COL4A6: variants seen among roughly 807,000 people sequenced by gnomAD.
COL4A6 encodes collagen type IV alpha 6 chain.
COL4A6 carries 59 observed loss-of-function variants against 126.7 expected under a neutral mutation model. The observed-to-expected ratio is 0.47, with a 90% CI of 0.38 to 0.58. COL4A6 has a LOEUF of 0.58. COL4A6 is among the 20% of genes least tolerant of loss of function. The pLI is 0.00. For missense variants in COL4A6, 1,285 were observed against 1,337.3 expected, an observed-to-expected ratio of 0.96 and a Z score of 0.61; for synonymous variants, 547 against 496.6, an observed-to-expected ratio of 1.10 and a Z score of -1.35.
intron 3 of COL4A6, among the ~76,000 whole-genome samples, chrX:108,286,151 G>A (rs2038000798): frequency 8.9e-6 from 1 of 112,265 alleles, no homozygotes; most frequent in South Asian, 3.7e-4. Context: ...TCCACCTCTA[G>A]CTTGGTGTCA....
intron 3 of COL4A6, among the ~76,000 whole-genome samples, chrX:108,230,417 C>T (rs1206235778): frequency 9.0e-6 from 1 of 111,631 alleles, no homozygotes; most frequent in African/African-American, 3.3e-5. Flanking sequence ...CTCCTTGTGG[C>T]CTTTTGAGAA....
chrX:108,197,647 A>T (rs1262710175), intron 13 of COL4A6, among the ~76,000 whole-genome samples: 3 of 111,419 alleles, frequency 2.7e-5, no homozygotes, highest in African/African-American at 9.8e-5. Flanking sequence ...TCCCATGAGT[A>T]CTGAAAGCTG....
intron 3 of COL4A6, among the ~76,000 whole-genome samples, chrX:108,292,199 T>C (rs1381210262): frequency 8.9e-6 from 1 of 112,300 alleles, no homozygotes; most frequent in South Asian, 3.7e-4. Context: ...ACTTGTAATA[T>C]TGCATTTACA....
At chrX:108,394,302 C>T (rs113763985) in intron 2 of COL4A6, among the ~76,000 whole-genome samples, 120 of 110,006 alleles carry the variant, frequency 1.1e-3, no homozygotes, top group African/African-American at 3.6e-3. Context: ...GGAGGGATAG[C>T]ATTAGGAGAA....
At chrX:108,382,962 A>AAATAATAATAATAATAATAAT (rs4035941) in intron 2 of COL4A6, among the ~76,000 whole-genome samples, 1 of 88,304 alleles carries the variant, frequency 1.1e-5, no homozygotes, top group Non-Finnish European at 2.2e-5. Flanking sequence ...CCCCCGCCAA[A>AAATAATAATAATAATAATAAT]AATAATAATA....
In COL4A6 at chrX:108,274,228, C is replaced by T. The variant is rs146146852; in HGVS notation, c.144+36520G>A. On this transcript the variant is annotated intron_variant, in intron 3 of 44. Transcript: ENST00000334504. Reference sequence around the variant, plus strand: ...CTACATGGGGCTACATGGGGAAGCACCAGGGTCAGTCAGGAAGCAGAAGAA... The same window carrying T: ...CTACATGGGGCTACATGGGGAAGCATCAGGGTCAGTCAGGAAGCAGAAGAA... 4.1e-3 allele frequency among the ~76,000 whole-genome samples: 458 copies of T among 111,457 alleles called. 3 individuals carry two copies. Among genetic ancestry groups the T allele is most frequent in the African/African-American group, 0.013 (411 of 30,590 alleles).
intron 3 of COL4A6, among the ~76,000 whole-genome samples, chrX:108,246,795 G>A (rs779731118): frequency 9.0e-6 from 1 of 110,581 alleles, no homozygotes. Context: ...GGACAGGAAG[G>A]GGGGTATCTG....
chrX:108,325,953 T>G (rs2039147641), intron 2 of COL4A6, among the ~76,000 whole-genome samples: 1 of 112,191 alleles, frequency 8.9e-6, no homozygotes, highest in Non-Finnish European at 1.9e-5. Flanking sequence ...TGGAAAATAC[T>G]ACAGATATCA....
intron 38 of COL4A6, 85 bp downstream of exon 38, chrX:108,165,285 G>A: frequency 1.2e-6 from 1 of 856,415 alleles, no homozygotes; most frequent in Non-Finnish European, 1.7e-6. Flanking sequence ...CCAGCAACAG[G>A]GACTTGGCTG....
At chrX:108,357,387 G>A (rs1047936560) in intron 2 of COL4A6, among the ~76,000 whole-genome samples, 64 of 111,209 alleles carry the variant, frequency 5.8e-4, no homozygotes, top group African/African-American at 2.0e-3. Flanking sequence ...GCATGAAATG[G>A]TTTGACTCCA....
chrX:108,163,091 C>T lies in COL4A6; in HGVS notation c.4070-53G>A, dbSNP rs757431724. On this transcript the variant is annotated intron_variant, in intron 40 of 44. Transcript: ENST00000334504. ...ATCAGGCTGAGGCAGAGGGAGGTGA[C>T]GGGGGCCCCAGAAGCCTTCTTTACT... The T allele has an allele frequency of 2.6e-4, 296 of 1,129,537 alleles. No homozygotes were observed. The African/African-American group carries it at 4.8e-3, about 18-fold the overall frequency. The allele number at this position is 1,129,537 out of a possible 1,213,427, so 93.1% of individuals were successfully genotyped here. A position where few individuals can be genotyped will look rare whatever the true frequency, so the allele number is the denominator to read the frequency against.
chrX:108,324,801 T>C (rs1440317151), intron 2 of COL4A6, among the ~76,000 whole-genome samples: 1 of 111,331 alleles, frequency 9.0e-6, no homozygotes, highest in Non-Finnish European at 1.9e-5. Context: ...ACCAGGAAAA[T>C]TGAGTGCCTC....
At chrX:108,284,920 C>A (rs900745723) in intron 3 of COL4A6, among the ~76,000 whole-genome samples, 5 of 112,073 alleles carry the variant, frequency 4.5e-5, no homozygotes, top group Non-Finnish European at 9.4e-5. Flanking sequence ...GTGTCCATTT[C>A]CTCTTTATAG....
Position 108,164,627 on chromosome X carries a change from C to T in COL4A6, c.4042G>A (p.Gly1348Arg), listed in dbSNP as rs151216554. The stretch of plus-strand genomic sequence containing the variant: ...CTTGGCCCTGCCTTCCCCTTCATTC[C>T]GGGAAATCCTGGGTCTCCAGGTGGC... ...VGPPGDPGFPGMKGKAGPRGS... is the reference protein window; with the variant it reads ...VGPPGDPGFPRMKGKAGPRGS... The change falls in exon 40 of 45, where the codon GGA becomes AGA. Residue 1348 changes from glycine to arginine, a missense_variant. Coordinates refer to ENST00000334504, the MANE Select transcript of COL4A6 (RefSeq NM_033641.4). The T allele has an allele frequency of 1.5e-5, 18 of 1,209,949 alleles. No individual in the cohort carries two copies. The highest frequency in any genetic ancestry group is 2.3e-4 in the Middle Eastern group (1 of 4,377).
Position 108,202,960 on chromosome X carries a change from A to G in COL4A6, c.802T>C (p.Phe268Leu), listed in dbSNP as rs1400298789. 5.0e-6 allele frequency: 6 copies of G among 1,208,598 alleles called. No homozygotes were observed. The highest frequency in any genetic ancestry group is 6.7e-6 in the Non-Finnish European group (6 of 894,353). Residue 268 changes from phenylalanine to leucine, a missense_variant, in exon 13 of 45, where the codon TTT becomes CTT. Phe to Leu is a conservative substitution (Grantham distance 22). Transcript: ENST00000334504. ...CCTGGAGGGCCACTTATGCCTGGAA[A>G]ACCCTTAGGCCCTGGTTCACCCTGG... ...GSKGEPGPKGFPGISGPPGFP... is the reference protein window; with the variant it reads ...GSKGEPGPKGLPGISGPPGFP...
chrX:108,221,617 A>C (rs2148265144), intron 3 of COL4A6, among the ~76,000 whole-genome samples: 1 of 112,748 alleles, frequency 8.9e-6, no homozygotes, highest in African/African-American at 3.2e-5. Context: ...AAGATCCTTC[A>C]ACTTTGTACT....
intron 36 of COL4A6, 65 bp downstream of exon 36, chrX:108,169,880 G>A: frequency 9.7e-7 from 1 of 1,029,363 alleles, no homozygotes; most frequent in Non-Finnish European, 1.3e-6. Context: ...AGAATTCATG[G>A]CCAGCCCTTG....
intron 2 of COL4A6, among the ~76,000 whole-genome samples, chrX:108,336,364 C>T (rs1044719699): frequency 2.7e-5 from 3 of 111,506 alleles, no homozygotes; most frequent in East Asian, 2.8e-4. Context: ...AGATGAATGT[C>T]GAAAAGGTTA....
chrX:108,401,834 T>C (rs989381731), intron 2 of COL4A6, among the ~76,000 whole-genome samples: 1 of 111,228 alleles, frequency 9.0e-6, no homozygotes, highest in Admixed American at 9.6e-5. Flanking sequence ...GAGTTATCCA[T>C]GTACTATTGT....
Sources: allele counts gnomAD v4.1 joint callset (sites outside exome capture counted in the v4.1 genomes callset), GRCh38; gene constraint gnomAD v4.1.1; transcripts MANE v1.5; gene names NCBI Gene and HGNC (gene_info 2026-07-23, HGNC 2026-07-21).